The following CMSS1 variants were observed in gnomAD, a reference collection of about 807,000 sequenced individuals.
CMSS1 encodes the protein protein CMSS1.
A neutral mutation model predicts 43.5 loss-of-function variants in CMSS1; 33 were observed. The ratio of observed to expected loss-of-function variants is 0.76; its 90% CI spans 0.57 to 1.01. The LOEUF is 1.01. Ranked by LOEUF, CMSS1 falls within the 50% of genes least tolerant of loss-of-function variation. The pLI is 0.00. For missense variants in CMSS1, 313 were observed against 326.4 expected, an observed-to-expected ratio of 0.96 and a Z score of 0.32; for synonymous variants, 115 against 117.2, an observed-to-expected ratio of 0.98 and a Z score of 0.12.
chr3:100,172,412 A>C lies in CMSS1; in HGVS notation c.667+9A>C. On this transcript the variant is annotated intron_variant, in intron 8 of 9. Transcript: ENST00000421999. ...AGAACTTGTTAAACAAGGTATGACA[A>C]GAGGGCAGTGATACTCTTGCCCAGG... 6.2e-7 allele frequency: 1 copy of C among 1,608,502 alleles called. No individual in the cohort carries two copies. Among genetic ancestry groups the C allele is most frequent in the African/African-American group, 1.3e-5 (1 of 74,928 alleles).
intron 1 of CMSS1, among the ~76,000 whole-genome samples, chr3:100,013,258 G>GTTT (rs1710219199): frequency 6.7e-6 from 1 of 149,582 alleles, no homozygotes; most frequent in East Asian, 2.0e-4. Context: ...TGTTGTTGTT[G>GTTT]TTTGAGATGG....
At chr3:100,171,645 C>A (rs1478318948) in intron 6 of CMSS1, among the ~76,000 whole-genome samples, 194 bp from the exon 7 acceptor site, 2 of 152,156 alleles carry the variant, frequency 1.3e-5, no homozygotes, top group Non-Finnish European at 2.9e-5. Flanking sequence ...AGATATGTGC[C>A]TGAATAAAAG....
At chr3:99,851,619 G>T (rs979787408) in intron 1 of CMSS1, among the ~76,000 whole-genome samples, 1 of 152,178 alleles carries the variant, frequency 6.6e-6, no homozygotes, top group Non-Finnish European at 1.5e-5. Flanking sequence ...GGTATTAGTT[G>T]TTGCTGCTGT....
chr3:100,075,289 A>G (rs1191123953), intron 1 of CMSS1, among the ~76,000 whole-genome samples: 1 of 152,244 alleles, frequency 6.6e-6, no homozygotes, highest in African/African-American at 2.4e-5. Context: ...AGAACAATCT[A>G]GAGCATGCTA....
At chr3:99,944,625 G>A (rs1054377975) in intron 1 of CMSS1, among the ~76,000 whole-genome samples, 3 of 152,312 alleles carry the variant, frequency 2.0e-5, no homozygotes, top group African/African-American at 7.2e-5. Flanking sequence ...AAGTTAATCT[G>A]CCCCAAGCCA....
chr3:99,993,236 A>G (rs2107139736), intron 1 of CMSS1, among the ~76,000 whole-genome samples: 1 of 152,082 alleles, frequency 6.6e-6, no homozygotes, highest in South Asian at 2.1e-4. Flanking sequence ...ATTGAATATT[A>G]TTAAAATTAC....
intron 1 of CMSS1, among the ~76,000 whole-genome samples, chr3:99,983,409 T>A (rs1448550276): frequency 3.6e-5 from 4 of 109,708 alleles, no homozygotes; most frequent in African/African-American, 1.5e-4. Flanking sequence ...TATATATATA[T>A]ATATATATAT....
intron 1 of CMSS1, among the ~76,000 whole-genome samples, chr3:99,924,958 A>C (rs1397223951): frequency 6.6e-6 from 1 of 152,158 alleles, no homozygotes; most frequent in Non-Finnish European, 1.5e-5. Context: ...CCCTGTGGGT[A>C]TCAACTGTTT....
chr3:99,972,575 T>C (rs955605032), intron 1 of CMSS1, among the ~76,000 whole-genome samples: 2 of 152,236 alleles, frequency 1.3e-5, no homozygotes, highest in African/African-American at 4.8e-5. Context: ...CCAGTCATTC[T>C]TTCCAGAGTA....
intron 2 of CMSS1, among the ~76,000 whole-genome samples, chr3:100,150,564 C>G (rs2066898807): frequency 6.6e-6 from 1 of 152,184 alleles, no homozygotes. Context: ...ATTTCTGTCG[C>G]TGAATACATG....
chr3:99,848,532 G>C (rs1038463323), intron 1 of CMSS1: 2 of 1,614,084 alleles, frequency 1.2e-6, no homozygotes, highest in African/African-American at 2.7e-5. Context: ...AGCTATTGCT[G>C]TTTGAACGCT....
intron 1 of CMSS1, among the ~76,000 whole-genome samples, chr3:100,082,262 G>A (rs2065944516): frequency 6.6e-6 from 1 of 152,100 alleles, no homozygotes; most frequent in Admixed American, 6.6e-5. Context: ...TTAACATACT[G>A]ACCTAAGCTG....
chr3:99,836,387 T>C lies in CMSS1; in HGVS notation c.64+18344T>C, dbSNP rs13327351. On this transcript the variant is annotated intron_variant, in intron 1 of 9. Transcript: ENST00000421999. ...AGTTCAAGAAAGATAGTATATTGGG[T>C]TATGGGCGCATGCTAAGTTTGAAGT... is the stretch of plus-strand genomic sequence containing the variant. Among the ~76,000 whole-genome samples, 923 of 152,116 alleles carry C rather than the reference T, an allele frequency of 6.1e-3. 10 individuals carry two copies. Among genetic ancestry groups the C allele is most frequent in the African/African-American group, 0.021 (872 of 41,458 alleles).
At chr3:100,044,613 A>G (rs1209201168) in intron 1 of CMSS1, among the ~76,000 whole-genome samples, 1 of 152,230 alleles carries the variant, frequency 6.6e-6, no homozygotes, top group African/African-American at 2.4e-5. Flanking sequence ...TAGTGAAGCC[A>G]GATTATACAG....
chr3:99,939,314 C>A (rs561352704), intron 1 of CMSS1, among the ~76,000 whole-genome samples: 1 of 152,166 alleles, frequency 6.6e-6, no homozygotes, highest in African/African-American at 2.4e-5. Flanking sequence ...AACTTTAGTT[C>A]GTGTATCCTG....
intron 1 of CMSS1, among the ~76,000 whole-genome samples, chr3:99,992,083 G>C (rs1443506697): frequency 6.6e-6 from 1 of 150,922 alleles, no homozygotes; most frequent in Admixed American, 6.6e-5. Context: ...TGGACACTTA[G>C]GTTAATTCTG....
At chr3:100,116,113 C>T (rs574417319) in intron 1 of CMSS1, among the ~76,000 whole-genome samples, 40 of 152,266 alleles carry the variant, frequency 2.6e-4, no homozygotes, top group African/African-American at 9.1e-4. Flanking sequence ...GTCACATAAA[C>T]GGAGTTAGTC....
chr3:100,058,539 C>T (rs2065504792), intron 1 of CMSS1, among the ~76,000 whole-genome samples: 2 of 152,206 alleles, frequency 1.3e-5, no homozygotes, highest in Non-Finnish European at 2.9e-5. Context: ...CAATCTAAAG[C>T]TTTGCTCAGC....
Position 100,071,090 on chromosome 3 carries a change from CTTTTTTT to C in CMSS1, c.65-75868_65-75862del, listed in dbSNP as rs61563009. On this transcript the variant is annotated intron_variant, in intron 1 of 9. Transcript: ENST00000421999. The stretch of plus-strand genomic sequence containing the variant: ...TTGTTTTTAAGAGAAGCTACTCTCT[CTTTTTTT>C]TTTTTTTTTTTTTTGGATGGATTAG... Among the ~76,000 whole-genome samples the C allele has an allele frequency of 9.5e-3, 669 of 70,590 alleles. 9 individuals carry two copies. The highest frequency in any genetic ancestry group is 0.032 in the African/African-American group (519 of 16,342). The allele number at this position is 70,590 out of a possible 152,430, so 46.3% of individuals were successfully genotyped here.
Sources: gnomAD v4.1 joint callset for allele counts (sites outside exome capture counted in the v4.1 genomes callset) on GRCh38, gnomAD v4.1.1 for gene constraint, MANE v1.5 for transcripts, NCBI Gene and HGNC (gene_info 2026-07-23, HGNC 2026-07-21) for gene names.